The following DCC variants were observed in gnomAD, a reference collection of about 807,000 sequenced individuals.
DCC encodes the protein netrin receptor DCC.
Under a neutral mutation model 172.5 loss-of-function variants are expected in DCC, and 58 were observed. The observed-to-expected ratio is 0.34, with a 90% CI of 0.27 to 0.42. DCC has a LOEUF of 0.42. Among genes scored for constraint, DCC ranks in the 10% least tolerant of loss-of-function variants. The pLI is 1.00. For missense variants in DCC, 1,740 were observed against 1,791.0 expected (o/e 0.97, Z 0.51); for synonymous variants, 709 against 644.5 (o/e 1.10, Z -1.52).
chr18:53,107,437 G>A (rs910583269), intron 7 of DCC, among the ~76,000 whole-genome samples: 1 of 144,740 alleles, frequency 6.9e-6, no homozygotes, highest in Non-Finnish European at 1.5e-5. Context: ...ACTCTAAATT[G>A]AAAAACTTTA....
intron 1 of DCC, among the ~76,000 whole-genome samples, chr18:52,436,667 G>A (rs1456488637): frequency 6.6e-6 from 1 of 152,186 alleles, no homozygotes; most frequent in Non-Finnish European, 1.5e-5. Context: ...CAGCACTTTA[G>A]GAGGCTGAGG....
chr18:53,404,657 C>T (rs775348184), intron 19 of DCC, among the ~76,000 whole-genome samples: 19 of 151,648 alleles, frequency 1.3e-4, no homozygotes, highest in South Asian at 2.1e-4. Context: ...CATGAACCCA[C>T]GAGGCGGAGC....
At chr18:52,540,127 C>T (rs2032397512) in intron 1 of DCC, among the ~76,000 whole-genome samples, 1 of 152,174 alleles carries the variant, frequency 6.6e-6, no homozygotes, top group Admixed American at 6.5e-5. Context: ...TAATATCTCT[C>T]TGGATATCAA....
intron 1 of DCC, among the ~76,000 whole-genome samples, chr18:52,572,300 G>C (rs2033317959): frequency 6.6e-6 from 1 of 152,186 alleles, no homozygotes; most frequent in African/African-American, 2.4e-5. Flanking sequence ...ACAGAATCAG[G>C]AAGGAGGGAA....
At chr18:52,783,267 C>T (rs2037583286) in intron 2 of DCC, among the ~76,000 whole-genome samples, 2 of 143,612 alleles carry the variant, frequency 1.4e-5, no homozygotes, top group Admixed American at 1.4e-4. Context: ...ATTTAAACTC[C>T]TTGAATACAG....
chr18:53,194,169 A>C (rs933855934), intron 9 of DCC, among the ~76,000 whole-genome samples: 2 of 152,212 alleles, frequency 1.3e-5, no homozygotes, highest in African/African-American at 4.8e-5. Flanking sequence ...TTTTGCATGC[A>C]GAAATACAAT....
intron 1 of DCC, among the ~76,000 whole-genome samples, chr18:52,546,795 C>T (rs1352172265): frequency 2.0e-5 from 3 of 152,070 alleles, no homozygotes; most frequent in Non-Finnish European, 4.4e-5. Flanking sequence ...ACTTGGGTTG[C>T]TGCTTGGCCA....
At chr18:53,354,727 T>C (rs1051921251) in intron 15 of DCC, among the ~76,000 whole-genome samples, 1 of 150,688 alleles carries the variant, frequency 6.6e-6, no homozygotes, top group Non-Finnish European at 1.5e-5. Flanking sequence ...ACTCTGATGG[T>C]AGTTTCTTTT....
At position 52,593,282 on chromosome 18, in the gene DCC, G is replaced by A. The variant is rs1301367237; in HGVS notation, c.92-158772G>A. ...GTTTTCTAAAGGTCTAAGTCAGAACGTGGTAAACTACACAAATTGATTATT... is the reference window on the plus strand; with the variant it reads ...GTTTTCTAAAGGTCTAAGTCAGAACATGGTAAACTACACAAATTGATTATT... On this transcript the variant is annotated intron_variant, in intron 1 of 28. Coordinates refer to ENST00000442544, the MANE Select transcript of DCC (RefSeq NM_005215.4). Among the ~76,000 whole-genome samples the A allele has an allele frequency of 2.0e-5, 3 of 152,126 alleles. No individual in the cohort carries two copies. The East Asian group carries it at 5.8e-4, about 29-fold the overall frequency.
intron 15 of DCC, among the ~76,000 whole-genome samples, chr18:53,364,582 G>A (rs1352720613): frequency 2.0e-5 from 3 of 151,872 alleles, no homozygotes; most frequent in African/African-American, 7.3e-5. Flanking sequence ...ACCATTAAGT[G>A]GAAACTTAAT....
chr18:52,499,731 C>T (rs1301700506), intron 1 of DCC, among the ~76,000 whole-genome samples: 2 of 152,110 alleles, frequency 1.3e-5, no homozygotes, highest in Non-Finnish European at 2.9e-5. Context: ...TTCCTCCCTT[C>T]TGTATATTTT....
intron 8 of DCC, among the ~76,000 whole-genome samples, chr18:53,159,968 A>G (rs1458771488): frequency 6.6e-6 from 1 of 152,164 alleles, no homozygotes; most frequent in African/African-American, 2.4e-5. Flanking sequence ...CTCAGAGACA[A>G]TGTGGAAAAG....
chr18:53,156,437 C>T (rs1022744754), intron 7 of DCC, among the ~76,000 whole-genome samples: 10 of 150,848 alleles, frequency 6.6e-5, no homozygotes, highest in East Asian at 2.0e-4. Context: ...GAGCCAAGAT[C>T]GTGCCAGTGC....
chr18:52,621,265 T>C (rs1247946811), intron 1 of DCC, among the ~76,000 whole-genome samples: 2 of 152,184 alleles, frequency 1.3e-5, no homozygotes, highest in Admixed American at 6.5e-5. Flanking sequence ...TCTGTAGAAA[T>C]AGATATTGCC....
chr18:52,768,791 G>A (rs1346972), intron 2 of DCC, among the ~76,000 whole-genome samples: 2,885 of 152,034 alleles, frequency 0.019, 111 homozygotes, highest in African/African-American at 0.066. Flanking sequence ...TCAGTAATAC[G>A]GCTACCCTCT....
chr18:52,946,126 G>T (rs1354266470), intron 5 of DCC, among the ~76,000 whole-genome samples: 1 of 152,094 alleles, frequency 6.6e-6, no homozygotes, highest in African/African-American at 2.4e-5. Flanking sequence ...TCTCCAGGTA[G>T]GTTTAACAAC....
At chr18:53,226,950 T>TATATATA (rs1568377335) in intron 12 of DCC, among the ~76,000 whole-genome samples, 1 of 6,948 alleles carries the variant, frequency 1.4e-4, no homozygotes, top group Non-Finnish European at 4.5e-4. Flanking sequence ...ATATATATAT[T>TATATATA]TTTTTTTTTT....
chr18:53,340,077 TAC>T (rs1384746117), intron 15 of DCC, among the ~76,000 whole-genome samples, 170 bp downstream of exon 15: 2 of 101,294 alleles, frequency 2.0e-5, no homozygotes, highest in Admixed American at 9.2e-5. Flanking sequence ...CACACACACA[TAC>T]ACACACACAC....
intron 7 of DCC, among the ~76,000 whole-genome samples, chr18:53,149,821 T>C (rs1316142055): frequency 2.0e-5 from 3 of 152,168 alleles, no homozygotes; most frequent in African/African-American, 4.8e-5. Flanking sequence ...TCTCAGTTTA[T>C]CTCTTTGTGT....
Sources: allele counts gnomAD v4.1 joint callset (sites outside exome capture counted in the v4.1 genomes callset), GRCh38; gene constraint gnomAD v4.1.1; transcripts MANE v1.5; gene names NCBI Gene and HGNC (gene_info 2026-07-23, HGNC 2026-07-21).